FBN1: variants seen among roughly 807,000 people sequenced by gnomAD.
FBN1 encodes the protein fibrillin 1, also known as fibrillin-1.
FBN1 carries 29 observed loss-of-function variants against 365.1 expected under a neutral mutation model. The observed-to-expected ratio is 0.08, with a 90% confidence interval of 0.06 to 0.11. The LOEUF is 0.11. FBN1 is among the 10% of genes least tolerant of loss of function. The pLI, the probability that FBN1 is intolerant of heterozygous loss-of-function variation, is 1.00. For synonymous variants in FBN1, 1,210 were observed against 1,270.5 expected (o/e 0.95, Z 1.01); for missense variants, 2,476 against 3,703.2 (o/e 0.67, Z 8.60).
intron 43 of FBN1, 77 bp from the exon 44 acceptor site, chr15:48,456,839 C>CGTGTGTGTGTGT (rs766292110): frequency 1.5e-5 from 15 of 999,520 alleles, no homozygotes; most frequent in African/African-American, 1.4e-4. Context: ...ATGGAAAGTG[C>CGTGTGTGTGTGT]GTGCGTGTGT....
intron 6 of FBN1, among the ~76,000 whole-genome samples, chr15:48,581,307 G>C (rs1003018849): frequency 3.9e-5 from 6 of 152,122 alleles, no homozygotes; most frequent in Admixed American, 6.5e-5. Context: ...AGAAAACAAA[G>C]AGGTCATAAA....
chr15:48,577,741 T>C (rs1168122786), intron 6 of FBN1, among the ~76,000 whole-genome samples: 2 of 152,212 alleles, frequency 1.3e-5, no homozygotes, highest in Non-Finnish European at 2.9e-5. Flanking sequence ...ATTTCTACTT[T>C]TTGTTTCATG....
At chr15:48,545,651 T>C (rs2141367544) in intron 6 of FBN1, among the ~76,000 whole-genome samples, 1 of 152,318 alleles carries the variant, frequency 6.6e-6, no homozygotes. Context: ...AATGTGAATG[T>C]ACTTAATGCC....
In FBN1 at chr15:48,470,752, A is replaced by C. The variant is rs2043366814; in HGVS notation, c.4341T>G (p.Ile1447Met). ...AGATGTTCGGAAGGGAGCACTCATCAATATCTTGGGGGGAGGGAGAAAAAA... is the reference window on the plus strand; with the variant it reads ...AGATGTTCGGAAGGGAGCACTCATCCATATCTTGGGGGGAGGGAGAAAAAA... ...PSADGKACED[I>M]DECSLPNICV... The change falls in exon 36 of 66, where the codon ATT becomes ATG. Residue 1447 changes from isoleucine to methionine, a missense_variant. By Grantham distance (10) the Ile-to-Met change is conservative (BLOSUM62 1). Coordinates refer to ENST00000316623, the MANE Select transcript of FBN1 (RefSeq NM_000138.5). 1 of 1,613,900 alleles carries C rather than the reference A, an allele frequency of 6.2e-7. No homozygotes were observed. The highest frequency in any genetic ancestry group is 8.5e-7 in the Non-Finnish European group (1 of 1,180,010).
At position 48,589,609 on chromosome 15, in the gene FBN1, C is replaced by CTTTTTTT. The variant is rs756647308; in HGVS notation, c.538+6667_538+6673dup. 5.0e-3 allele frequency among the ~76,000 whole-genome samples: 544 copies of CTTTTTTT among 108,646 alleles called. 11 individuals are homozygous for CTTTTTTT. Among genetic ancestry groups the CTTTTTTT allele is most frequent in the African/African-American group, 0.021 (497 of 23,550 alleles). 71.3% of individuals were successfully genotyped at this position (108,646 alleles called of 152,430 possible). A position where few individuals can be genotyped will look rare whatever the true frequency, so the allele number is the denominator to read the frequency against. On this transcript the variant is annotated intron_variant, in intron 6 of 65. Coordinates refer to ENST00000316623, the MANE Select transcript of FBN1 (RefSeq NM_000138.5). ...CCTGCTATCTACACATTGTTACTTT[C>CTTTTTTT]TTTTTTTTTTTTTTTTTTTTTTGAG...
At chr15:48,454,124 C>A (rs570006108) in intron 44 of FBN1, among the ~76,000 whole-genome samples, 2 of 152,344 alleles carry the variant, frequency 1.3e-5, no homozygotes, top group African/African-American at 4.8e-5. Flanking sequence ...TTAAAGTCCA[C>A]ATGAATCACT....
chr15:48,425,503 G>A lies in FBN1; in HGVS notation c.7331-12C>T. 1 of 1,614,066 alleles carries A rather than the reference G, an allele frequency of 6.2e-7. No homozygotes were observed. The highest frequency in any genetic ancestry group is 8.5e-7 in the Non-Finnish European group (1 of 1,179,980). ...GCACTCGTTCAGATCTATGATCAAAGAAATACAGCGTGACTGTGCATCTAA... is the reference window on the plus strand; with the variant it reads ...GCACTCGTTCAGATCTATGATCAAAAAAATACAGCGTGACTGTGCATCTAA... On this transcript the variant is annotated splice_polypyrimidine_tract_variant and intron_variant, in intron 59 of 65. Coordinates refer to ENST00000316623, the MANE Select transcript of FBN1 (RefSeq NM_000138.5).
rs370923981 is a variant in FBN1, at chr15:48,474,359, T to C, written c.4106A>G (p.Asn1369Ser). The change falls in exon 34 of 66, where the codon AAT becomes AGT. Residue 1369 changes from asparagine to serine, a missense_variant. Coordinates refer to ENST00000316623, the MANE Select transcript of FBN1 (RefSeq NM_000138.5). Reference protein sequence around the residue: ...IKCTDLDECSNGTHMCSQHAD... With the variant: ...IKCTDLDECSSGTHMCSQHAD... The stretch of plus-strand genomic sequence containing the variant: ...ATGCTGGCTGCACATATGGGTTCCA[T>C]TGGAACATTCGTCCAGATCTTATAG... 22 of 1,614,042 alleles carry C rather than the reference T, an allele frequency of 1.4e-5. No individual in the cohort carries two copies. Among genetic ancestry groups the C allele is most frequent in the East Asian group, 8.9e-5 (4 of 44,892 alleles).
chr15:48,432,304 G>A (rs988797669), intron 55 of FBN1, among the ~76,000 whole-genome samples: 17 of 152,134 alleles, frequency 1.1e-4, no homozygotes, highest in Admixed American at 1.0e-3. Context: ...GAGCAAATCA[G>A]AGCTCTTCAA....
intron 4 of FBN1, among the ~76,000 whole-genome samples, chr15:48,604,210 G>T (rs967065592): frequency 6.7e-6 from 1 of 148,312 alleles, no homozygotes. Context: ...GGATGCATTA[G>T]GTTTGGAATG....
intron 6 of FBN1, among the ~76,000 whole-genome samples, chr15:48,541,719 T>C (rs1394181293): frequency 6.8e-6 from 1 of 147,302 alleles, no homozygotes; most frequent in African/African-American, 2.7e-5. Flanking sequence ...AAGCTAAATT[T>C]ACATACTCTT....
In FBN1 at chr15:48,409,164, A is replaced by G. The variant is rs967483418; in HGVS notation, c.*1826T>C. ...AGGTGGAAGAAAGCATCTTTGTCCAATGGTTGCCATTAAGCCTAGACTGAA... is the reference window on the plus strand; with the variant it reads ...AGGTGGAAGAAAGCATCTTTGTCCAGTGGTTGCCATTAAGCCTAGACTGAA... On this transcript the variant is annotated 3_prime_UTR_variant, in exon 66 of 66. Transcript: ENST00000316623. 6.6e-5 allele frequency: 10 copies of G among 152,238 alleles called. No individual in the cohort carries two copies. Among genetic ancestry groups the G allele is most frequent in the African/African-American group, 2.4e-4 (10 of 41,456 alleles). The allele number at this position is 152,238 out of a possible 1,614,324, so 9.4% of individuals were successfully genotyped here.
chr15:48,487,366 G>A lies in FBN1; in HGVS notation c.3409C>T (p.Arg1137Cys), dbSNP rs1439487763. The change falls in exon 28 of 66, where the codon CGC becomes TGC. Residue 1137 changes from arginine (R) to cysteine (C), a missense_variant. By Grantham distance (180) the Arg-to-Cys change is radical. Transcript: ENST00000316623. Reference sequence around the variant, plus strand: ...TGATGGCCAGGCGGGCATTCACAGCGGTAACTTCCCTCTGTGTTATGGCAA... The same window carrying A: ...TGATGGCCAGGCGGGCATTCACAGCAGTAACTTCCCTCTGTGTTATGGCAA... ...GVCHNTEGSY[R>C]CECPPGHQLS... 6.2e-6 allele frequency: 10 copies of A among 1,614,064 alleles called. No individual in the cohort carries two copies. Among genetic ancestry groups the A allele is most frequent in the African/African-American group, 4.0e-5 (3 of 74,922 alleles).
In FBN1 at chr15:48,441,594, C is replaced by T; in HGVS notation, c.6163+127G>A. On this transcript the variant is annotated intron_variant, in intron 50 of 65. Coordinates refer to ENST00000316623, the MANE Select transcript of FBN1 (RefSeq NM_000138.5). ...TTCTGACATATGGTTATCATTAGAC[C>T]TCTGGGTGAATGAAAACTCTCCATC... 4.2e-6 allele frequency: 5 copies of T among 1,191,514 alleles called. 1 individual carries two copies. The South Asian group carries it at 4.9e-5, about 12-fold the overall frequency. The allele number at this position is 1,191,514 out of a possible 1,614,324, so 73.8% of individuals were successfully genotyped here. A position where few individuals can be genotyped will look rare whatever the true frequency, so the allele number is the denominator to read the frequency against.
chr15:48,579,528 G>T (rs2044375270), intron 6 of FBN1, among the ~76,000 whole-genome samples: 1 of 152,144 alleles, frequency 6.6e-6, no homozygotes, highest in African/African-American at 2.4e-5. Context: ...CTCCCCAGAA[G>T]CTACCTTTCT....
intron 42 of FBN1, 23 bp from the exon 43 acceptor site, chr15:48,460,340 G>A: frequency 6.7e-7 from 1 of 1,500,788 alleles, no homozygotes; most frequent in Non-Finnish European, 9.3e-7. Flanking sequence ...AACAAAGGTG[G>A]GATGGGAGGA....
Position 48,490,031 on chromosome 15 carries a change from T to A in FBN1, c.2902A>T (p.Thr968Ser), listed in dbSNP as rs752117227. 29 of 1,613,930 alleles carry A rather than the reference T, an allele frequency of 1.8e-5. No homozygotes were observed. The highest frequency in any genetic ancestry group is 2.4e-5 in the Non-Finnish European group (28 of 1,180,032). The change falls in exon 25 of 66, where the codon ACC becomes TCC. Residue 968 changes from threonine (T) to serine (S), a missense_variant. Thr to Ser is a moderately conservative substitution (Grantham distance 58, BLOSUM62 1). Coordinates refer to ENST00000316623, the MANE Select transcript of FBN1 (RefSeq NM_000138.5). ...CGGTGGCGGCCAGCAATAGGCAGGG[T>A]GCACTCCTCGTCCTCGTACCTCAGG... ...CFLRYEDEEC[T>S]LPIAGRHRMD...
chr15:48,426,096 C>T (rs542651512), intron 58 of FBN1, among the ~76,000 whole-genome samples: 7 of 152,252 alleles, frequency 4.6e-5, no homozygotes, highest in Non-Finnish European at 8.8e-5. Context: ...CACAGAAAAA[C>T]TTTAAAAACA....
At chr15:48,470,872 C>A in intron 35 of FBN1, 116 bp from the exon 36 acceptor site, 1 of 1,140,012 alleles carries the variant, frequency 8.8e-7, no homozygotes, top group Non-Finnish European at 1.3e-6. Context: ...TATCTAACAC[C>A]AATCTGGGCA....
Sources: gnomAD v4.1 joint callset for allele counts (sites outside exome capture counted in the v4.1 genomes callset) on GRCh38, gnomAD v4.1.1 for gene constraint, MANE v1.5 for transcripts, NCBI Gene and HGNC (gene_info 2026-07-23, HGNC 2026-07-21) for gene names.